FNBP1: variants seen among roughly 807,000 people sequenced by gnomAD.
The protein encoded by FNBP1 is formin-binding protein 1.
A neutral mutation model predicts 90.6 loss-of-function variants in FNBP1; 26 were observed. The observed-to-expected ratio is 0.29, with a 90% confidence interval of 0.21 to 0.40. FNBP1 has a LOEUF of 0.40. Among genes scored for constraint, FNBP1 ranks in the 10% least tolerant of loss-of-function variants. FNBP1 has a pLI of 1.00. For synonymous variants in FNBP1, 260 were observed against 265.2 expected (o/e 0.98, Z 0.19); for missense variants, 635 against 768.0 (o/e 0.83, Z 2.05).
intron 1 of FNBP1, among the ~76,000 whole-genome samples, chr9:130,002,380 G>A (rs1372626850): frequency 6.6e-6 from 1 of 152,072 alleles, no homozygotes; most frequent in Non-Finnish European, 1.5e-5. Flanking sequence ...GTCAGAGGTG[G>A]GGCCTAATGG....
intron 6 of FNBP1, among the ~76,000 whole-genome samples, chr9:129,931,741 T>G (rs1408973224): frequency 2.0e-5 from 3 of 151,598 alleles, no homozygotes; most frequent in African/African-American, 7.3e-5. Flanking sequence ...AAGTATACAG[T>G]AAGCTGTGAC....
At position 129,900,498 on chromosome 9, in the gene FNBP1, G is replaced by A. The variant is rs371932612; in HGVS notation, c.1478C>T (p.Ala493Val). The change falls in exon 14 of 17, where the codon GCG becomes GTG. Residue 493 changes from alanine to valine, a missense_variant. By Grantham distance (64) the Ala-to-Val change is moderately conservative. Transcript: ENST00000446176. The surrounding 1 kb of genome is among the most constrained non-coding windows in gnomAD (Gnocchi z 4.1). The part of the protein sequence containing the change: ...EGRLPARSEQ[A>V]RRQSGLYDSQ... The stretch of plus-strand genomic sequence containing the variant: ...GTCGTACAGTCCGCTCTGCCGGCGC[G>A]CCTGCTCGCTGCGTGCTGGGAGCCG... 28 of 1,598,798 alleles carry A rather than the reference G, an allele frequency of 1.8e-5. No homozygotes were observed. The highest frequency in any genetic ancestry group is 7.0e-5 in the Admixed American group (4 of 57,136).
chr9:129,925,192 A>C, intron 8 of FNBP1, 35 bp from the exon 9 acceptor site: 1 of 1,536,512 alleles, frequency 6.5e-7, no homozygotes, highest in Non-Finnish European at 9.0e-7. Flanking sequence ...AAATACATTC[A>C]GAAGCATGCA....
chr9:129,967,446 C>T (rs574845263), intron 4 of FNBP1, among the ~76,000 whole-genome samples: 7 of 152,072 alleles, frequency 4.6e-5, no homozygotes, highest in Admixed American at 2.6e-4. Flanking sequence ...AACCGGGAGG[C>T]GGAACTTGCA....
chr9:129,986,906 TAATC>T (rs999000366), intron 2 of FNBP1, among the ~76,000 whole-genome samples: 32 of 152,118 alleles, frequency 2.1e-4, no homozygotes, highest in South Asian at 4.1e-4. Flanking sequence ...CATTCAGACA[TAATC>T]AAAGAACTTT....
chr9:129,895,667 T>TTCA (rs556531563), intron 16 of FNBP1, 171 bp downstream of exon 16: 14 of 1,278,558 alleles, frequency 1.1e-5, no homozygotes, highest in Non-Finnish European at 1.4e-5. Flanking sequence ...GACAAGGCAA[T>TTCA]TCAGGTGCCC....
At chr9:129,962,688 G>T (rs2048008588) in intron 4 of FNBP1, among the ~76,000 whole-genome samples, 1 of 152,126 alleles carries the variant, frequency 6.6e-6, no homozygotes, top group Non-Finnish European at 1.5e-5. Flanking sequence ...CAATTTTTTG[G>T]TCTCTGCAAA....
In FNBP1 at chr9:129,957,556, C is replaced by CTT; in HGVS notation, c.409-94_409-93dup. Reference sequence around the variant, plus strand: ...GCTCCCAAAGAGCATTGTTCTTTTTCTTTTTTTTTTCTTCAGTCAGGGTCT... The same window carrying CTT: ...GCTCCCAAAGAGCATTGTTCTTTTTCTTTTTTTTTTTTCTTCAGTCAGGGTCT... On this transcript the variant is annotated intron_variant, in intron 5 of 16. Transcript: ENST00000446176. This position sits in a 1 kb window ranked among gnomAD's most constrained non-coding sequence, Gnocchi z 4.3. 8.4e-5 allele frequency: 78 copies of CTT among 931,702 alleles called. No homozygotes were observed. The highest frequency in any genetic ancestry group is 1.5e-4 in the East Asian group (5 of 34,014). 57.7% of individuals were successfully genotyped at this position (931,702 alleles called of 1,614,324 possible).
At chr9:130,014,150 C>T (rs896914082) in intron 1 of FNBP1, 6 of 440,550 alleles carry the variant, frequency 1.4e-5, no homozygotes, top group African/African-American at 1.2e-4. Flanking sequence ...AAATTCTGAA[C>T]ACTCAAATAG....
chr9:129,965,759 TGAAG>T (rs1430782795), intron 4 of FNBP1, among the ~76,000 whole-genome samples: 3 of 82,918 alleles, frequency 3.6e-5, no homozygotes, highest in East Asian at 8.7e-4. Flanking sequence ...GGGAAGGAAG[TGAAG>T]GAAGGGAGGG....
chr9:129,955,929 A>T (rs2046876458), intron 6 of FNBP1, among the ~76,000 whole-genome samples: 1 of 151,874 alleles, frequency 6.6e-6, no homozygotes, highest in South Asian at 2.1e-4. Context: ...ACTTTGGGCT[A>T]ATCTAACTTA....
At chr9:129,911,636 A>G (rs1482132772) in intron 11 of FNBP1, among the ~76,000 whole-genome samples, 1 of 152,096 alleles carries the variant, frequency 6.6e-6, no homozygotes, top group African/African-American at 2.4e-5. Flanking sequence ...TTTGTAATAA[A>G]CCAGTAAATG....
intron 1 of FNBP1, chr9:130,013,804 G>A (rs1364303396): frequency 4.4e-6 from 2 of 450,742 alleles, no homozygotes; most frequent in African/African-American, 4.0e-5. Context: ...CATTATCAAA[G>A]GAGTGGATTA....
chr9:129,902,312 GCACAGTGGCT>G (rs567167297), intron 13 of FNBP1, among the ~76,000 whole-genome samples: 74 of 152,206 alleles, frequency 4.9e-4, no homozygotes, highest in Admixed American at 1.1e-3. Context: ...TACTGGCCAG[GCACAGTGGCT>G]CACAGTGGCT....
At chr9:130,050,724 T>C in the FNBP1 span, among the ~76,000 whole-genome samples, 2 of 151,774 alleles carry the variant, frequency 1.3e-5, no homozygotes, top group East Asian at 3.9e-4. Flanking sequence ...ACTCCAGTGT[T>C]GACTCCTGGG....
chr9:129,963,591 G>T (rs2048137489), intron 4 of FNBP1, among the ~76,000 whole-genome samples: 1 of 148,830 alleles, frequency 6.7e-6, no homozygotes, highest in African/African-American at 2.5e-5. Flanking sequence ...GATTGTGGGT[G>T]ATGCCCATCT....
At chr9:129,923,710 T>TG in intron 10 of FNBP1, 134 bp downstream of exon 10, 2 of 1,026,262 alleles carry the variant, frequency 1.9e-6, no homozygotes, top group Non-Finnish European at 2.6e-6. Context: ...TAATGGTTTT[T>TG]GTTTTTTTTT....
At chr9:130,001,621 C>A (rs1379695098) in intron 1 of FNBP1, among the ~76,000 whole-genome samples, 3 of 152,098 alleles carry the variant, frequency 2.0e-5, no homozygotes. Context: ...GTGGCTCAGG[C>A]CTGTAATCCC....
At chr9:129,940,186 G>A (rs2044115625) in intron 6 of FNBP1, among the ~76,000 whole-genome samples, 1 of 152,080 alleles carries the variant, frequency 6.6e-6, no homozygotes, top group South Asian at 2.1e-4. Context: ...GGGCTTAGGT[G>A]ACAGAATAAG....
Sources: allele counts gnomAD v4.1 joint callset (sites outside exome capture counted in the v4.1 genomes callset), GRCh38; gene constraint gnomAD v4.1.1; non-coding constraint Gnocchi (gnomAD v3.1); transcripts MANE v1.5; gene names NCBI Gene and HGNC (gene_info 2026-07-23, HGNC 2026-07-21).